The following POU6F2 variants were observed in gnomAD, a reference collection of about 807,000 sequenced individuals.
POU6F2 encodes the protein POU domain, class 6, transcription factor 2.
A neutral mutation model predicts 71.3 loss-of-function variants in POU6F2; 31 were observed. The ratio of observed to expected loss-of-function variants is 0.43; its 90% confidence interval spans 0.33 to 0.59. The LOEUF (loss-of-function observed/expected upper bound fraction) is 0.59. POU6F2 is among the 20% of genes least tolerant of loss of function. POU6F2 has a pLI of 0.04. For synonymous variants in POU6F2, 347 were observed against 355.7 expected, an observed-to-expected ratio of 0.98 and a Z score of 0.27; for missense variants, 783 against 856.8, an observed-to-expected ratio of 0.91 and a Z score of 1.07.
intron 2 of POU6F2, among the ~76,000 whole-genome samples, chr7:39,202,788 A>G (rs1424743727): frequency 6.6e-6 from 1 of 152,256 alleles, no homozygotes; most frequent in Non-Finnish European, 1.5e-5. Context: ...AATGACAGCA[A>G]TCATTAAAAT....
At chr7:39,048,982 T>A (rs145235674) in intron 1 of POU6F2, among the ~76,000 whole-genome samples, 292 of 152,130 alleles carry the variant, frequency 1.9e-3, no homozygotes, top group African/African-American at 6.9e-3. Flanking sequence ...ATTTGTCAAA[T>A]TTTGGGGAAA....
At chr7:39,287,235 A>C (rs904287302) in intron 4 of POU6F2, among the ~76,000 whole-genome samples, 11 of 152,306 alleles carry the variant, frequency 7.2e-5, no homozygotes, top group Non-Finnish European at 1.5e-4. Context: ...AAACCAGCTC[A>C]TCGAATAACT....
intron 2 of POU6F2, among the ~76,000 whole-genome samples, chr7:39,087,641 T>C (rs1791280448): frequency 6.6e-6 from 1 of 152,160 alleles, no homozygotes; most frequent in Non-Finnish European, 1.5e-5. Flanking sequence ...CCCTCTAATG[T>C]TGAGTATGCT....
intron 1 of POU6F2, among the ~76,000 whole-genome samples, chr7:39,055,533 T>G (rs12667577): frequency 0.25 from 38,352 of 152,062 alleles, 5,583 homozygotes; most frequent in East Asian, 0.73. Flanking sequence ...TACTTTAACT[T>G]CCTGTTAAAG....
intron 4 of POU6F2, among the ~76,000 whole-genome samples, chr7:39,224,586 C>T (rs1391555518): frequency 6.6e-6 from 1 of 152,140 alleles, no homozygotes; most frequent in Non-Finnish European, 1.5e-5. Flanking sequence ...CTTAGAACCA[C>T]CAATGACTGC....
At chr7:39,321,450 T>G (rs576849489) in intron 4 of POU6F2, among the ~76,000 whole-genome samples, 5 of 151,956 alleles carry the variant, frequency 3.3e-5, no homozygotes, top group African/African-American at 1.2e-4. Flanking sequence ...GCAGCTGGAG[T>G]GTGAGGTTAC....
intron 2 of POU6F2, among the ~76,000 whole-genome samples, chr7:39,202,297 G>C (rs1387514630): frequency 6.6e-6 from 1 of 152,176 alleles, no homozygotes; most frequent in Non-Finnish European, 1.5e-5. Flanking sequence ...AGAAAAAAGA[G>C]ACAGAAGGGC....
chr7:39,166,003 A>G (rs997482262), intron 2 of POU6F2, among the ~76,000 whole-genome samples: 16 of 152,160 alleles, frequency 1.1e-4, no homozygotes, highest in Non-Finnish European at 2.2e-4. Context: ...TCCCTACTCT[A>G]GGATGTTTAA....
chr7:39,265,553 G>A (rs972630908), intron 4 of POU6F2, among the ~76,000 whole-genome samples: 7 of 152,150 alleles, frequency 4.6e-5, no homozygotes, highest in Non-Finnish European at 8.8e-5. Context: ...TTTTACCGTT[G>A]AAATACTCCA....
At chr7:39,138,430 G>C (rs1792428834) in intron 2 of POU6F2, among the ~76,000 whole-genome samples, 1 of 152,172 alleles carries the variant, frequency 6.6e-6, no homozygotes, top group Non-Finnish European at 1.5e-5. Context: ...TGTATTTATA[G>C]CAACTCTTCA....
intron 4 of POU6F2, among the ~76,000 whole-genome samples, chr7:39,283,789 AAC>A (rs1253515003): frequency 6.6e-6 from 1 of 152,226 alleles, no homozygotes; most frequent in Non-Finnish European, 1.5e-5. Flanking sequence ...ATGTTAAAGA[AAC>A]ACTGCTTCTG....
At chr7:39,439,946 A>G (rs948460060) in intron 7 of POU6F2, among the ~76,000 whole-genome samples, 8 of 152,186 alleles carry the variant, frequency 5.3e-5, no homozygotes, top group Non-Finnish European at 1.0e-4. Context: ...TATGAAGCTT[A>G]GTTTGGCTGG....
intron 2 of POU6F2, among the ~76,000 whole-genome samples, chr7:39,092,946 A>C (rs1013343200): frequency 6.6e-6 from 1 of 152,128 alleles, no homozygotes; most frequent in Non-Finnish European, 1.5e-5. Flanking sequence ...AAACTACCTA[A>C]CCAAGATGCA....
intron 5 of POU6F2, among the ~76,000 whole-genome samples, chr7:39,368,436 A>G (rs1786547969): frequency 1.3e-5 from 2 of 152,258 alleles, no homozygotes; most frequent in South Asian, 2.1e-4. Flanking sequence ...AGGTTGGTCC[A>G]TGAGACTTAA....
intron 1 of POU6F2, among the ~76,000 whole-genome samples, chr7:39,051,689 CCT>C (rs1432931288): frequency 6.6e-6 from 1 of 151,984 alleles, no homozygotes; most frequent in East Asian, 1.9e-4. Context: ...TGATTGCCAT[CCT>C]CTCCTGAAAA....
At chr7:39,354,983 T>G (rs1170246027) in intron 5 of POU6F2, among the ~76,000 whole-genome samples, 1 of 152,242 alleles carries the variant, frequency 6.6e-6, no homozygotes, top group Non-Finnish European at 1.5e-5. Context: ...TATTCATCAC[T>G]GGGCCAGATG....
chr7:39,399,105 G>A (rs1027961449), intron 5 of POU6F2, among the ~76,000 whole-genome samples: 4 of 152,114 alleles, frequency 2.6e-5, no homozygotes, highest in African/African-American at 9.7e-5. Context: ...GCCTCTTCCA[G>A]ATCTCTCTAA....
chr7:39,449,149 T>C (rs1338967192), intron 7 of POU6F2, among the ~76,000 whole-genome samples: 1 of 152,220 alleles, frequency 6.6e-6, no homozygotes, highest in African/African-American at 2.4e-5. Context: ...GGCAATTCTG[T>C]AGGAGGCACA....
chr7:39,449,388 G>A (rs1337905100), intron 7 of POU6F2, among the ~76,000 whole-genome samples: 1 of 152,174 alleles, frequency 6.6e-6, no homozygotes, highest in Non-Finnish European at 1.5e-5. Context: ...ACAGTTGTTT[G>A]AAGGAAAAAT....
Sources: allele counts gnomAD v4.1 joint callset (sites outside exome capture counted in the v4.1 genomes callset), GRCh38; gene constraint gnomAD v4.1.1; transcripts MANE v1.5; gene names NCBI Gene and HGNC (gene_info 2026-07-23, HGNC 2026-07-21).